Variants in MAGED2 observed in about 807,000 individuals in gnomAD.
The protein encoded by MAGED2 is MAGE family member D2.
MAGED2 carries 6 observed loss-of-function variants against 41.7 expected under a neutral mutation model. The observed-to-expected ratio is 0.14, with a 90% CI of 0.08 to 0.28. MAGED2 has a LOEUF of 0.28. Ranked by LOEUF, MAGED2 falls within the 10% of genes least tolerant of loss-of-function variation. The pLI, the probability that MAGED2 is intolerant of heterozygous loss-of-function variation, is 1.00. For missense variants in MAGED2, 343 were observed against 486.4 expected (o/e 0.71, Z 2.77); for synonymous variants, 146 against 178.2 (o/e 0.82, Z 1.44).
In MAGED2 at chrX:54,809,995, A is replaced by C. The variant is rs770287312; in HGVS notation, c.319A>C (p.Lys107Gln). 8.3e-7 allele frequency: 1 copy of C among 1,206,265 alleles called. No homozygotes were observed. The highest frequency in any genetic ancestry group is 1.1e-6 in the Non-Finnish European group (1 of 892,590). The change falls in exon 3 of 13, where the codon AAG becomes CAG. Residue 107 changes from lysine (K) to glutamine (Q), a missense_variant. Coordinates refer to ENST00000375068, the MANE Select transcript of MAGED2 (RefSeq NM_177433.3). ...AENKSLAADTKKQNADPQAVT... is the reference protein window; with the variant it reads ...AENKSLAADTQKQNADPQAVT... ...AAACAAGAGTCTAGCAGCTGACACC[A>C]AGAAACAGAATGCTGACCCGCAGGC...
At chrX:54,812,615 G>C (rs1334543133) in intron 7 of MAGED2, among the ~76,000 whole-genome samples, 1 of 112,061 alleles carries the variant, frequency 8.9e-6, no homozygotes, top group Non-Finnish European at 1.9e-5. Context: ...GATGCATGAA[G>C]CGCAGGAGTG....
At chrX:54,811,694 C>A in intron 6 of MAGED2, 41 bp downstream of exon 6, 1 of 1,025,467 alleles carries the variant, frequency 9.8e-7, no homozygotes, top group Non-Finnish European at 1.4e-6. Flanking sequence ...GTGGGGAAGC[C>A]TTGAATTGAA....
In MAGED2 at chrX:54,810,201, G is replaced by C; in HGVS notation, c.525G>C (p.Lys175Asn). 2.6e-6 allele frequency: 3 copies of C among 1,134,673 alleles called. No individual in the cohort carries two copies. Among genetic ancestry groups the C allele is most frequent in the Non-Finnish European group, 3.5e-6 (3 of 854,780 alleles). The allele number at this position is 1,134,673 out of a possible 1,213,427, so 93.5% of individuals were successfully genotyped here. ...NQDTRPKVKA[K>N]KARKVKHLDG... ...ATACTCGGCCCAAGGTCAAAGCCAA[G>C]AAAGCCCGAAAGGTAAGACCTCTGC... Residue 175 changes from lysine (K) to asparagine (N), a missense_variant, in exon 3 of 13, where the codon AAG (lysine) becomes AAC (asparagine). Physicochemically the swap from Lys to Asn is moderately conservative, Grantham distance 94. This residue lies in a region of MAGED2 where 195 missense variants were observed against 221.2 expected (regional missense o/e 0.88). Coordinates refer to ENST00000375068, the MANE Select transcript of MAGED2 (RefSeq NM_177433.3).
chrX:54,809,183 T>G (rs1455523416), intron 1 of MAGED2, 120 bp from the exon 2 acceptor site: 196 of 475,955 alleles, frequency 4.1e-4, no homozygotes, highest in East Asian at 9.5e-4. Context: ...ACGGAGTCGT[T>G]GGGGGTGGTG....
In MAGED2 at chrX:54,815,535, T is replaced by G; in HGVS notation, c.1674T>G (p.Ser558Arg). 3.4e-6 allele frequency: 4 copies of G among 1,175,168 alleles called. No homozygotes were observed. The highest frequency in any genetic ancestry group is 4.6e-6 in the Non-Finnish European group (4 of 873,766). ...GTGCCAGTACCAGTACCAATAACAG[T>G]GCCAGTGCCAGTGCCAGCACCAGTG... Reference protein sequence around the residue: ...STGASTSTNNSASASASTSGG... With the variant: ...STGASTSTNNRASASASTSGG... The change falls in exon 12 of 13, where the codon AGT becomes AGG. Residue 558 changes from serine (S) to arginine (R), a missense_variant. By Grantham distance (110) the Ser-to-Arg change is moderately radical (BLOSUM62 -1). This residue lies in a region of MAGED2 where 53 missense variants were observed against 60.4 expected (regional missense o/e 0.88). Transcript: ENST00000375068.
At chrX:54,811,159 T>A (rs769648553) in intron 4 of MAGED2, 30 bp downstream of exon 4, 1 of 1,194,076 alleles carries the variant, frequency 8.4e-7, no homozygotes, top group South Asian at 1.8e-5. Flanking sequence ...TATTCTGCCT[T>A]TTCTACTGCC....
Position 54,809,303 on chromosome X carries a change from G to T in MAGED2, c.-29G>T. ...TTGACCCAGGCCTTCTCCCCTTCAG[G>T]CTCAGCTCTTGCCAGGCCAAATTGA... On this transcript the variant is annotated splice_region_variant and 5_prime_UTR_variant, in exon 2 of 13. Coordinates refer to ENST00000375068, the MANE Select transcript of MAGED2 (RefSeq NM_177433.3). 4.1e-6 allele frequency: 5 copies of T among 1,209,027 alleles called. No homozygotes were observed. Among genetic ancestry groups the T allele is most frequent in the Non-Finnish European group, 5.6e-6 (5 of 893,146 alleles).
At chrX:54,811,358 A>C (rs774247830) in intron 5 of MAGED2, 45 bp downstream of exon 5, 5 of 1,111,276 alleles carry the variant, frequency 4.5e-6, no homozygotes, top group Non-Finnish European at 6.2e-6. Flanking sequence ...TCTGCCCTCC[A>C]TTGCCCTTAC....
chrX:54,809,119 G>A, intron 1 of MAGED2, 184 bp from the exon 2 acceptor site: 3 of 427,982 alleles, frequency 7.0e-6, no homozygotes, highest in Non-Finnish European at 8.2e-6. Context: ...GAGAAGGGGA[G>A]GGTGCGGCTG....
intron 5 of MAGED2, 96 bp downstream of exon 5, chrX:54,811,409 C>T: frequency 2.1e-6 from 2 of 959,215 alleles, no homozygotes; most frequent in Non-Finnish European, 3.0e-6. Flanking sequence ...ATGCTTATGT[C>T]TCTGTCCTCC....
At chrX:54,809,019 G>T (rs945678198) in intron 1 of MAGED2, 2 of 353,358 alleles carry the variant, frequency 5.7e-6, no homozygotes, top group African/African-American at 5.2e-5. Flanking sequence ...CAGCCGACGC[G>T]CATGCGCTCT....
At position 54,809,501 on chromosome X, in the gene MAGED2, C is replaced by T. The variant is rs767245784; in HGVS notation, c.45+125C>T. ...TCCACCTACTTTCCTGCCTGGGTGT[C>T]CCCCTGCCCAGTGGAGGGAGGGAGA... On this transcript the variant is annotated intron_variant, in intron 2 of 12. Coordinates refer to ENST00000375068, the MANE Select transcript of MAGED2 (RefSeq NM_177433.3). 4.7e-5 allele frequency: 42 copies of T among 887,889 alleles called. 1 individual carries two copies. Among genetic ancestry groups the T allele is most frequent in the South Asian group, 4.3e-4 (20 of 46,849 alleles). 73.2% of individuals were successfully genotyped at this position (887,889 alleles called of 1,213,427 possible).
Position 54,809,340 on chromosome X carries a change from C to T in MAGED2, c.9C>T (p.Asp3=), listed in dbSNP as rs1326541051. The T allele has an allele frequency of 8.3e-7, 1 of 1,211,305 alleles. No individual in the cohort carries two copies. Among genetic ancestry groups the T allele is most frequent in the East Asian group, 3.0e-5 (1 of 33,820 alleles). ...CCAGGCCAAATTGAGACATGTCTGA[C>T]ACAAGCGAGAGTGGTGCAGGTCTAA... is the stretch of plus-strand genomic sequence containing the variant. MS[D]TSESGAGLTR... The change falls in exon 2 of 13, where the codon GAC becomes GAT. Residue 3 remains aspartate (D), a synonymous_variant. Transcript: ENST00000375068.
rs1929957900 is a variant in MAGED2 at position 54,815,939 on chromosome X, TCAACACA to T, written c.*68_*74del. 1 of 362,188 alleles carries T rather than the reference TCAACACA, an allele frequency of 2.8e-6. No individual in the cohort carries two copies. The highest frequency in any genetic ancestry group is 5.2e-5 in the Admixed American group (1 of 19,224). 29.8% of individuals were successfully genotyped at this position (362,188 alleles called of 1,213,427 possible). A position where few individuals can be genotyped will look rare whatever the true frequency, so the allele number is the denominator to read the frequency against. Reference sequence around the variant, plus strand: ...CCAGGGTGCATCCTCAGAAACCTACTCAACACAGCACTCTAGGCAGCCACTATCAATC... The same window carrying T: ...CCAGGGTGCATCCTCAGAAACCTACTGCACTCTAGGCAGCCACTATCAATC... On this transcript the variant is annotated 3_prime_UTR_variant, in exon 13 of 13. Transcript: ENST00000375068.
Position 54,811,277 on chromosome X carries a change from G to A in MAGED2, c.874G>A (p.Ala292Thr). Residue 292 changes from alanine to threonine, a missense_variant, in exon 5 of 13, where the codon GCT becomes ACT. Around this residue, in one of 3 missense-constraint regions of MAGED2, gnomAD observed 95 missense variants for 204.8 expected, o/e 0.46. Transcript: ENST00000375068. ...RANDLVKYLL[A>T]KDQTKIPIKR... Reference sequence around the variant, plus strand: ...AAATGATTTGGTGAAGTACCTTTTGGCTAAAGACCAGACGAAGATTCCCAT... The same window carrying A: ...AAATGATTTGGTGAAGTACCTTTTGACTAAAGACCAGACGAAGATTCCCAT... The A allele has an allele frequency of 8.3e-7, 1 of 1,211,511 alleles. No homozygotes were observed. The highest frequency in any genetic ancestry group is 3.0e-5 in the East Asian group (1 of 33,827).
intron 8 of MAGED2, 21 bp from the exon 9 acceptor site, chrX:54,813,097 T>C: frequency 2.5e-6 from 3 of 1,211,793 alleles, no homozygotes; most frequent in Non-Finnish European, 3.3e-6. Flanking sequence ...TGTCCCTGTC[T>C]CCTCTTGCCT....
At chrX:54,814,325 G>A in intron 10 of MAGED2, 2 of 412,425 alleles carry the variant, frequency 4.8e-6, no homozygotes, top group Admixed American at 2.5e-5. Context: ...TTTCTGTGGT[G>A]GACCTTTCTG....
At chrX:54,812,052 C>A (rs1569544636) in intron 6 of MAGED2, 105 bp from the exon 7 acceptor site, 2 of 509,999 alleles carry the variant, frequency 3.9e-6, no homozygotes, top group East Asian at 7.1e-5. Context: ...TGCGTATTAT[C>A]TCACTGATTT....
At chrX:54,811,439 T>C in intron 5 of MAGED2, 126 bp downstream of exon 5, 8 of 879,684 alleles carry the variant, frequency 9.1e-6, no homozygotes, top group African/African-American at 2.0e-5. Flanking sequence ...GATTTGGCAG[T>C]GCTAGCATCT....
Sources: allele counts gnomAD v4.1 joint callset (sites outside exome capture counted in the v4.1 genomes callset), GRCh38; gene constraint gnomAD v4.1.1; regional missense constraint gnomAD v4.1.1; transcripts MANE v1.5; gene names NCBI Gene and HGNC (gene_info 2026-07-23, HGNC 2026-07-21).